The following NLGN1 variants were observed in gnomAD, a reference collection of about 807,000 sequenced individuals.
NLGN1 encodes neuroligin 1.
NLGN1 carries 12 observed loss-of-function variants against 65.5 expected under a neutral mutation model. That is an observed-to-expected ratio of 0.18 (90% CI 0.12 to 0.30). The LOEUF (loss-of-function observed/expected upper bound fraction) is 0.30, where lower values mean the gene tolerates loss of function less well. Ranked by LOEUF, NLGN1 falls within the 10% of genes least tolerant of loss-of-function variation. The probability of loss-of-function intolerance (pLI) is 1.00; values close to 1 mark genes in which losing one functional copy is unlikely to be tolerated. For missense variants in NLGN1, 750 were observed against 1,007.1 expected, an observed-to-expected ratio of 0.74 and a Z score of 3.46; for synonymous variants, 350 against 359.5, an observed-to-expected ratio of 0.97 and a Z score of 0.30.
intron 1 of NLGN1, among the ~76,000 whole-genome samples, chr3:173,405,275 G>A (rs919949898): frequency 6.6e-6 from 1 of 152,084 alleles, no homozygotes; most frequent in Non-Finnish European, 1.5e-5. Flanking sequence ...ACAATGGAAT[G>A]TTTTCAGACA....
chr3:173,557,900 C>T (rs1350769328), intron 2 of NLGN1, among the ~76,000 whole-genome samples: 1 of 152,044 alleles, frequency 6.6e-6, no homozygotes, highest in African/African-American at 2.4e-5. Context: ...TGAAGAGCTT[C>T]CTTTGGCATT....
intron 4 of NLGN1, among the ~76,000 whole-genome samples, chr3:173,885,779 T>A (rs1015173589): frequency 2.6e-4 from 40 of 152,070 alleles, no homozygotes; most frequent in African/African-American, 9.4e-4. Context: ...AAGAAAGATA[T>A]AAAAAATTGA....
chr3:174,082,777 A>G (rs1237483880), intron 4 of NLGN1, among the ~76,000 whole-genome samples: 2 of 151,808 alleles, frequency 1.3e-5, no homozygotes, highest in African/African-American at 2.4e-5. Flanking sequence ...GTGGAGTGCA[A>G]TGGTGCAGTC....
chr3:173,605,271 A>AT (rs1751198548), intron 3 of NLGN1, among the ~76,000 whole-genome samples, 180 bp downstream of exon 2: 1 of 151,792 alleles, frequency 6.6e-6, no homozygotes, highest in East Asian at 2.0e-4. Context: ...ATCTGTACTT[A>AT]TTTTTTTCCT....
chr3:174,028,014 T>C (rs1159078660), intron 4 of NLGN1, among the ~76,000 whole-genome samples: 1 of 152,186 alleles, frequency 6.6e-6, no homozygotes, highest in Non-Finnish European at 1.5e-5. Context: ...GGAGTTCCAC[T>C]GCACAAGCTC....
At chr3:174,076,267 GA>G (rs1740879674) in intron 4 of NLGN1, among the ~76,000 whole-genome samples, 1 of 151,952 alleles carries the variant, frequency 6.6e-6, no homozygotes, top group Admixed American at 6.6e-5. Context: ...TATATGAAAA[GA>G]AATGCTATGA....
chr3:173,684,725 A>G (rs1176030368), intron 3 of NLGN1, among the ~76,000 whole-genome samples: 1 of 152,218 alleles, frequency 6.6e-6, no homozygotes, highest in African/African-American at 2.4e-5. Flanking sequence ...TTGAGAATTT[A>G]CATGAAGTGT....
intron 4 of NLGN1, among the ~76,000 whole-genome samples, chr3:173,840,017 C>A (rs1421644775): frequency 6.6e-6 from 1 of 152,148 alleles, no homozygotes; most frequent in Non-Finnish European, 1.5e-5. Context: ...GCTAGAGATT[C>A]CAGCTTAACC....
At chr3:173,975,384 G>A (rs189527904) in intron 4 of NLGN1, among the ~76,000 whole-genome samples, 1 of 152,060 alleles carries the variant, frequency 6.6e-6, no homozygotes, top group African/African-American at 2.4e-5. Flanking sequence ...GGAGCTCTGG[G>A]AAGGAGAGAA....
At chr3:173,928,005 A>G (rs1366830932) in intron 4 of NLGN1, among the ~76,000 whole-genome samples, 1 of 152,186 alleles carries the variant, frequency 6.6e-6, no homozygotes, top group Non-Finnish European at 1.5e-5. Flanking sequence ...ATTCCCTAAC[A>G]TTCAGGGTTG....
At chr3:173,907,881 G>A (rs927089612) in intron 4 of NLGN1, among the ~76,000 whole-genome samples, 1 of 149,996 alleles carries the variant, frequency 6.7e-6, no homozygotes, top group Non-Finnish European at 1.5e-5. Context: ...CACCACCCCC[G>A]GCTAATTTTT....
downstream of NLGN1, among the ~76,000 whole-genome samples, chr3:174,288,491 T>A (rs896106976): frequency 6.6e-6 from 1 of 151,528 alleles, no homozygotes; most frequent in Non-Finnish European, 1.5e-5. Context: ...ATTGATTTCT[T>A]GCTCTTTTTT....
chr3:173,760,560 C>T (rs1777823584), intron 3 of NLGN1, among the ~76,000 whole-genome samples: 1 of 151,880 alleles, frequency 6.6e-6, no homozygotes, highest in Admixed American at 6.6e-5. Flanking sequence ...ATGTGCTATT[C>T]ATTAGTACAT....
At chr3:173,845,821 T>C (rs1725676302) in intron 4 of NLGN1, among the ~76,000 whole-genome samples, 1 of 152,212 alleles carries the variant, frequency 6.6e-6, no homozygotes, top group African/African-American at 2.4e-5. Context: ...TAGATTTTTT[T>C]CAATAATACT....
At chr3:173,499,456 A>G (rs1730626596) in intron 2 of NLGN1, among the ~76,000 whole-genome samples, 1 of 151,848 alleles carries the variant, frequency 6.6e-6, no homozygotes, top group Admixed American at 6.6e-5. Context: ...TGGTTACTGT[A>G]GCCTTGTAGT....
At chr3:173,712,442 T>G (rs1258611064) in intron 3 of NLGN1, among the ~76,000 whole-genome samples, 1 of 152,182 alleles carries the variant, frequency 6.6e-6, no homozygotes, top group Non-Finnish European at 1.5e-5. Context: ...TCTAGATATT[T>G]AGCTCAGTGG....
chr3:173,514,978 G>A (rs1733589758), intron 2 of NLGN1, among the ~76,000 whole-genome samples: 1 of 152,102 alleles, frequency 6.6e-6, no homozygotes, highest in Non-Finnish European at 1.5e-5. Flanking sequence ...TGGAAAAAAT[G>A]TCTCTTAGAA....
chr3:174,083,749 C>T lies in NLGN1; in HGVS notation c.647-191566C>T, dbSNP rs1400675096. Among the ~76,000 whole-genome samples the T allele has an allele frequency of 5.3e-5, 8 of 152,114 alleles. 1 individual carries two copies. In the East Asian group the frequency reaches 9.7e-4, roughly 18 times the overall value. Reference sequence around the variant, plus strand: ...TTATTTTGCATCCAATGCTAATACCCGGCTAATATAGAAATTTTTTTCCCT... The same window carrying T: ...TTATTTTGCATCCAATGCTAATACCTGGCTAATATAGAAATTTTTTTCCCT... On this transcript the variant is annotated intron_variant, in intron 4 of 6. Coordinates refer to ENST00000457714, the Ensembl canonical transcript of NLGN1.
chr3:173,401,219 G>A (rs1024716426), intron 1 of NLGN1, among the ~76,000 whole-genome samples: 6 of 151,898 alleles, frequency 4.0e-5, no homozygotes, highest in African/African-American at 1.2e-4. Flanking sequence ...GATGCTGGTA[G>A]TGCACCCCAC....
Sources: allele counts gnomAD v4.1 joint callset (sites outside exome capture counted in the v4.1 genomes callset), GRCh38; gene constraint gnomAD v4.1.1; transcripts MANE v1.5; gene names NCBI Gene and HGNC (gene_info 2026-07-23, HGNC 2026-07-21).